ATP9B: variants seen among roughly 807,000 people sequenced by gnomAD.
ATP9B encodes ATPase phospholipid transporting 9B.
Under a neutral mutation model 146.1 loss-of-function variants are expected in ATP9B, and 110 were observed. The observed-to-expected ratio is 0.75, with a 90% CI of 0.65 to 0.88. The LOEUF (loss-of-function observed/expected upper bound fraction) is 0.88. Among genes scored for constraint, ATP9B ranks in the 40% least tolerant of loss-of-function variants. The pLI is 0.00. For synonymous variants in ATP9B, 604 were observed against 569.7 expected, an observed-to-expected ratio of 1.06 and a Z score of -0.86; for missense variants, 1,499 against 1,496.4, an observed-to-expected ratio of 1.00 and a Z score of -0.03.
intron 12 of ATP9B, among the ~76,000 whole-genome samples, chr18:79,262,413 T>C (rs946020034): frequency 6.6e-6 from 1 of 152,206 alleles, no homozygotes; most frequent in African/African-American, 2.4e-5. Flanking sequence ...TTTTATTTTA[T>C]ATATACAAAC....
At chr18:79,152,506 T>A (rs895106090) in intron 6 of ATP9B, among the ~76,000 whole-genome samples, 2 of 152,242 alleles carry the variant, frequency 1.3e-5, no homozygotes, top group African/African-American at 4.8e-5. Flanking sequence ...TGAAATCTGC[T>A]ATTAATCTTC....
At chr18:79,069,946 C>T (rs1006789891) in intron 1 of ATP9B, among the ~76,000 whole-genome samples, 1 of 152,232 alleles carries the variant, frequency 6.6e-6, no homozygotes, top group Non-Finnish European at 1.5e-5. Flanking sequence ...TTGTTAAAAA[C>T]ACACTTCTTA....
At chr18:79,072,369 C>T (rs1054858713) in intron 1 of ATP9B, among the ~76,000 whole-genome samples, 39 of 152,082 alleles carry the variant, frequency 2.6e-4, no homozygotes, top group Non-Finnish European at 4.1e-4. Context: ...GAGCATGCTG[C>T]CTTCAAGCAT....
intron 1 of ATP9B, 80 bp downstream of exon 1, chr18:79,069,609 C>A: frequency 1.0e-6 from 1 of 977,170 alleles, no homozygotes; most frequent in Non-Finnish European, 1.3e-6. Flanking sequence ...CGGAGCCGGG[C>A]GGGTCTGGGG....
chr18:79,337,509 C>T, intron 19 of ATP9B, 60 bp downstream of exon 19: 1 of 1,564,178 alleles, frequency 6.4e-7, no homozygotes, highest in Non-Finnish European at 8.6e-7. Context: ...CAGTGCTTTT[C>T]CTTGGGCATG....
At position 79,275,619 on chromosome 18, in the gene ATP9B, A is replaced by G. The variant is rs2096299494; in HGVS notation, c.1269-1435A>G. Among the ~76,000 whole-genome samples the G allele has an allele frequency of 2.0e-5, 3 of 152,372 alleles. No individual in the cohort carries two copies. The South Asian group carries it at 6.2e-4, about 32-fold the overall frequency. ...CCATTTGTTAGGAGGCACTGGAGGCATACAGGTGGGTAACTTGTAGGCGTC... is the reference window on the plus strand; with the variant it reads ...CCATTTGTTAGGAGGCACTGGAGGCGTACAGGTGGGTAACTTGTAGGCGTC... On this transcript the variant is annotated intron_variant, in intron 12 of 29. Transcript: ENST00000426216.
intron 13 of ATP9B, among the ~76,000 whole-genome samples, chr18:79,290,649 C>T (rs1333958079): frequency 3.9e-5 from 6 of 152,234 alleles, no homozygotes; most frequent in Admixed American, 3.9e-4. Flanking sequence ...CTGGCACTCC[C>T]TAGTGAGATG....
chr18:79,341,618 G>T (rs1237170074), intron 19 of ATP9B, among the ~76,000 whole-genome samples: 5 of 132,938 alleles, frequency 3.8e-5, no homozygotes, highest in African/African-American at 1.2e-4. Flanking sequence ...GTTGTGGTTG[G>T]ATGTGTGTAG....
Position 79,303,645 on chromosome 18 carries a change from C to T in ATP9B, c.1453C>T (p.Leu485=), listed in dbSNP as rs2096605458. 1 of 1,613,986 alleles carries T rather than the reference C, an allele frequency of 6.2e-7. No individual in the cohort carries two copies. Among genetic ancestry groups the T allele is most frequent in the Non-Finnish European group, 8.5e-7 (1 of 1,180,000 alleles). The change falls in exon 14 of 30, where the codon CTG becomes TTG. Residue 485 remains leucine (L), a synonymous_variant. Transcript: ENST00000426216. ...TGAAATGATATTTAAGCGGCTGCACCTGGGCACCGTGTCCTATGGCGCCGA... is the reference window on the plus strand; with the variant it reads ...TGAAATGATATTTAAGCGGCTGCACTTGGGCACCGTGTCCTATGGCGCCGA... The part of the protein sequence containing the change: ...QNEMIFKRLH[L]GTVSYGADTM...
chr18:79,179,935 C>T (rs1192711591), intron 8 of ATP9B, among the ~76,000 whole-genome samples: 2 of 152,170 alleles, frequency 1.3e-5, no homozygotes, highest in Non-Finnish European at 2.9e-5. Flanking sequence ...GCTCTGTTAC[C>T]TGTTTCCTGA....
intron 27 of ATP9B, among the ~76,000 whole-genome samples, chr18:79,373,622 T>C (rs2097086172): frequency 6.6e-6 from 1 of 152,046 alleles, no homozygotes; most frequent in African/African-American, 2.4e-5. Flanking sequence ...CCCCAGTAGC[T>C]GGGATTACAG....
Position 79,258,024 on chromosome 18 carries a change from G to A in ATP9B, c.1268+4483G>A, listed in dbSNP as rs77718605. Among the ~76,000 whole-genome samples the A allele has an allele frequency of 3.5e-3, 538 of 152,164 alleles. 1 individual carries two copies. The highest frequency in any genetic ancestry group is 0.01 in the Middle Eastern group (3 of 294). Reference sequence around the variant, plus strand: ...CTATCTCCAACCACTTCTTTCTTTAGTAAAATAACATAGAAAGATTTGACC... The same window carrying A: ...CTATCTCCAACCACTTCTTTCTTTAATAAAATAACATAGAAAGATTTGACC... On this transcript the variant is annotated intron_variant, in intron 12 of 29. Transcript: ENST00000426216.
At chr18:79,102,711 T>C (rs73003106) in intron 2 of ATP9B, among the ~76,000 whole-genome samples, 1 of 152,058 alleles carries the variant, frequency 6.6e-6, no homozygotes, top group Non-Finnish European at 1.5e-5. Flanking sequence ...ACCTATATAT[T>C]TTATTAGTTT....
At chr18:79,302,963 A>T (rs2096600803) in intron 13 of ATP9B, among the ~76,000 whole-genome samples, 3 of 152,138 alleles carry the variant, frequency 2.0e-5, no homozygotes, top group African/African-American at 7.2e-5. Flanking sequence ...TCAGTTTTCT[A>T]GTTTTATGTC....
chr18:79,303,754 C>G (rs991796224), intron 14 of ATP9B, 38 bp downstream of exon 14: 4 of 1,486,856 alleles, frequency 2.7e-6, no homozygotes, highest in Non-Finnish European at 3.7e-6. Context: ...TGCTTCCACA[C>G]ACATCCCGCG....
intron 11 of ATP9B, among the ~76,000 whole-genome samples, chr18:79,246,853 G>GCCT (rs1350713615): frequency 2.0e-5 from 3 of 152,178 alleles, no homozygotes; most frequent in African/African-American, 2.4e-5. Context: ...CTACACTTCA[G>GCCT]CCTCCTCCTC....
chr18:79,238,613 C>T (rs536116263), intron 11 of ATP9B, among the ~76,000 whole-genome samples: 206 of 152,324 alleles, frequency 1.4e-3, no homozygotes, highest in Non-Finnish European at 2.5e-3. Flanking sequence ...CTCCTCAATT[C>T]GCCATGGTGG....
intron 15 of ATP9B, among the ~76,000 whole-genome samples, chr18:79,324,231 A>T (rs771477408): frequency 6.6e-6 from 1 of 151,948 alleles, no homozygotes; most frequent in Non-Finnish European, 1.5e-5. Flanking sequence ...GTAGTTTGCA[A>T]ATATTTTCTC....
intron 2 of ATP9B, among the ~76,000 whole-genome samples, chr18:79,097,525 C>A (rs1173085436): frequency 1.6e-5 from 1 of 64,062 alleles, no homozygotes; most frequent in Admixed American, 2.7e-4. Context: ...TCCCTCCCCC[C>A]TCCCCCCTCC....
Sources: allele counts gnomAD v4.1 joint callset (sites outside exome capture counted in the v4.1 genomes callset), GRCh38; gene constraint gnomAD v4.1.1; transcripts MANE v1.5; gene names NCBI Gene and HGNC (gene_info 2026-07-23, HGNC 2026-07-21).